The following EHBP1 variants were observed in gnomAD, a reference collection of about 807,000 sequenced individuals.
The protein encoded by EHBP1 is EH domain binding protein 1.
EHBP1 carries 55 observed loss-of-function variants against 144.0 expected under a neutral mutation model. The observed-to-expected ratio is 0.38, with a 90% CI of 0.31 to 0.48. The LOEUF (loss-of-function observed/expected upper bound fraction) is 0.48. Among genes scored for constraint, EHBP1 ranks in the 20% least tolerant of loss-of-function variants. The probability of loss-of-function intolerance (pLI) is 0.98; values close to 1 mark genes in which losing one functional copy is unlikely to be tolerated. For missense variants in EHBP1, 1,200 were observed against 1,364.2 expected, an observed-to-expected ratio of 0.88 and a Z score of 1.90; for synonymous variants, 469 against 472.7, an observed-to-expected ratio of 0.99 and a Z score of 0.10.
At chr2:62,864,212 A>G (rs995596799) in intron 8 of EHBP1, among the ~76,000 whole-genome samples, 4 of 152,072 alleles carry the variant, frequency 2.6e-5, no homozygotes, top group Non-Finnish European at 5.9e-5. Flanking sequence ...TGGTACAATC[A>G]TGGCTCACTG....
chr2:62,772,735 T>TA (rs1400048447), intron 5 of EHBP1, among the ~76,000 whole-genome samples: 1 of 152,250 alleles, frequency 6.6e-6, no homozygotes, highest in Non-Finnish European at 1.5e-5. Flanking sequence ...TCATGACTGT[T>TA]CATCGTGATA....
rs1037868932 is a variant in EHBP1, at chr2:62,890,383, T to C, written c.1185+15851T>C. Among the ~76,000 whole-genome samples the C allele has an allele frequency of 2.0e-4, 30 of 152,340 alleles. No homozygotes were observed. In the South Asian group the frequency reaches 4.8e-3, roughly 24 times the overall value. The stretch of plus-strand genomic sequence containing the variant: ...TTCCAACCCATGAGCATGGAATGTT[T>C]TTCCATTTGTTTGTATCATCTCTGA... On this transcript the variant is annotated intron_variant, in intron 10 of 22. Coordinates refer to ENST00000431489, the MANE Select transcript of EHBP1 (RefSeq NM_001142616.3).
At chr2:62,805,689 G>A (rs1417182386) in intron 5 of EHBP1, among the ~76,000 whole-genome samples, 2 of 151,900 alleles carry the variant, frequency 1.3e-5, no homozygotes, top group Non-Finnish European at 2.9e-5. Flanking sequence ...TAATTGTTTT[G>A]TATTTTTGTT....
chr2:62,715,341 C>T (rs1420445554), intron 2 of EHBP1, among the ~76,000 whole-genome samples: 3 of 152,106 alleles, frequency 2.0e-5, no homozygotes, highest in Non-Finnish European at 4.4e-5. Context: ...GTCTCGATCT[C>T]CTGACCTCGT....
chr2:62,971,388 C>T (rs148230519), intron 14 of EHBP1, among the ~76,000 whole-genome samples: 51 of 151,830 alleles, frequency 3.4e-4, no homozygotes, highest in African/African-American at 6.0e-4. Flanking sequence ...TTGCTGGGAA[C>T]GTAAGTTTTA....
intron 19 of EHBP1, among the ~76,000 whole-genome samples, chr2:62,998,927 C>G (rs1488729490): frequency 6.6e-6 from 1 of 152,152 alleles, no homozygotes; most frequent in Admixed American, 6.6e-5. Flanking sequence ...AACCTAGTAT[C>G]TGAAGTAAGA....
chr2:62,789,750 A>T (rs748432731), intron 5 of EHBP1, among the ~76,000 whole-genome samples: 1 of 152,172 alleles, frequency 6.6e-6, no homozygotes, highest in Non-Finnish European at 1.5e-5. Flanking sequence ...CTTTCAGCAC[A>T]CACAAAACTG....
intron 2 of EHBP1, among the ~76,000 whole-genome samples, chr2:62,740,059 A>T (rs2038559591): frequency 6.6e-6 from 1 of 152,120 alleles, no homozygotes; most frequent in African/African-American, 2.4e-5. Flanking sequence ...CCAAACTTCA[A>T]ACTATGTTTC....
chr2:62,868,525 C>T (rs1342731918), intron 9 of EHBP1, among the ~76,000 whole-genome samples: 2 of 152,158 alleles, frequency 1.3e-5, no homozygotes, highest in South Asian at 2.1e-4. Context: ...AATATTAAAA[C>T]GTTTTTCTCT....
chr2:62,752,528 T>C (rs1013672592), intron 3 of EHBP1, among the ~76,000 whole-genome samples: 1 of 152,180 alleles, frequency 6.6e-6, no homozygotes, highest in South Asian at 2.1e-4. Context: ...AGTTCCTGGA[T>C]ATCCTTGTTA....
intron 6 of EHBP1, 189 bp downstream of exon 6, chr2:62,826,457 T>C (rs1260673775): frequency 2.1e-6 from 1 of 478,834 alleles, no homozygotes; most frequent in African/African-American, 2.0e-5. Context: ...CCAGAGAATG[T>C]ACAGTAATAT....
At chr2:62,777,088 C>T (rs2042100630) in intron 5 of EHBP1, among the ~76,000 whole-genome samples, 1 of 152,158 alleles carries the variant, frequency 6.6e-6, no homozygotes, top group Admixed American at 6.5e-5. Context: ...GATCGTCCTG[C>T]CTCAGCCTCC....
chr2:62,835,834 G>A (rs533404088), intron 7 of EHBP1, among the ~76,000 whole-genome samples: 8 of 152,304 alleles, frequency 5.3e-5, no homozygotes, highest in African/African-American at 1.9e-4. Context: ...CTGGCTCGGA[G>A]GGTCCTACGC....
At chr2:62,886,293 A>G (rs13426857) in intron 10 of EHBP1, among the ~76,000 whole-genome samples, 7 of 152,258 alleles carry the variant, frequency 4.6e-5, no homozygotes, top group African/African-American at 1.7e-4. Context: ...CCTTTCAAGG[A>G]AAATTATAAA....
At chr2:62,786,638 C>G (rs1412336212) in intron 5 of EHBP1, among the ~76,000 whole-genome samples, 2 of 152,178 alleles carry the variant, frequency 1.3e-5, no homozygotes, top group African/African-American at 4.8e-5. Context: ...CGTACTGCAC[C>G]TTGAATCTTA....
intron 19 of EHBP1, among the ~76,000 whole-genome samples, chr2:63,012,883 T>C (rs1024072938): frequency 1.3e-5 from 2 of 152,168 alleles, no homozygotes; most frequent in African/African-American, 4.8e-5. Context: ...CCTTTATCCA[T>C]TTCACTGCAA....
intron 14 of EHBP1, among the ~76,000 whole-genome samples, chr2:62,977,690 A>G (rs1049857870): frequency 2.0e-5 from 3 of 152,162 alleles, no homozygotes; most frequent in African/African-American, 2.4e-5. Flanking sequence ...TGTGCTAAAG[A>G]CCAGAGATAC....
At chr2:62,932,904 G>A (rs532823110) in intron 10 of EHBP1, among the ~76,000 whole-genome samples, 1 of 145,538 alleles carries the variant, frequency 6.9e-6, no homozygotes, top group Non-Finnish European at 1.5e-5. Flanking sequence ...CAGTGAGCCA[G>A]TCATGCCACT....
At chr2:62,692,765 G>A (rs982865040) in intron 1 of EHBP1, among the ~76,000 whole-genome samples, 1 of 151,566 alleles carries the variant, frequency 6.6e-6, no homozygotes, top group African/African-American at 2.4e-5. Context: ...TGGGCACATA[G>A]TAGGTGTATA....
Sources: allele counts gnomAD v4.1 joint callset (sites outside exome capture counted in the v4.1 genomes callset), GRCh38; gene constraint gnomAD v4.1.1; transcripts MANE v1.5; gene names NCBI Gene and HGNC (gene_info 2026-07-23, HGNC 2026-07-21).